The following BEST3 variants were observed in gnomAD, a reference collection of about 807,000 sequenced individuals.
BEST3 encodes bestrophin 3, also known as bestrophin-3.
In BEST3, 50 loss-of-function variants were observed where a neutral mutation model predicts 47.1. The ratio of observed to expected loss-of-function variants is 1.06; its 90% CI spans 0.85 to 1.34. The LOEUF (loss-of-function observed/expected upper bound fraction) is 1.34. BEST3 is among the 40% of genes most tolerant of loss of function. BEST3 has a pLI of 0.00. For missense variants in BEST3, 765 were observed against 817.0 expected (o/e 0.94, Z 0.78); for synonymous variants, 282 against 298.8 (o/e 0.94, Z 0.58).
In BEST3 at chr12:69,654,057, T is replaced by C. The variant is rs2135904171; in HGVS notation, c.*850A>G. 1 of 985,450 alleles carries C rather than the reference T, an allele frequency of 1.0e-6. No homozygotes were observed. Among genetic ancestry groups the C allele is most frequent in the East Asian group, 1.1e-4 (1 of 8,822 alleles). 61.0% of individuals were successfully genotyped at this position (985,450 alleles called of 1,614,324 possible). The stretch of plus-strand genomic sequence containing the variant: ...AGGGCACGGGGGGAACCATCACTCC[T>C]ATATGCCTTCCACTGGAAGTGAGAC... On this transcript the variant is annotated 3_prime_UTR_variant, in exon 10 of 10. Coordinates refer to ENST00000330891, the MANE Select transcript of BEST3 (RefSeq NM_032735.3).
intron 1 of BEST3, 56 bp from the exon 2 acceptor site, chr12:69,697,869 A>G (rs1284177844): frequency 6.4e-6 from 9 of 1,403,442 alleles, no homozygotes; most frequent in Non-Finnish European, 8.8e-6. Context: ...AATAGGGCAT[A>G]AATCTGTATG....
At chr12:69,682,672 G>A (rs902765657) in intron 4 of BEST3, among the ~76,000 whole-genome samples, 1 of 152,104 alleles carries the variant, frequency 6.6e-6, no homozygotes, top group Admixed American at 6.5e-5. Flanking sequence ...AACCTCCTGG[G>A]CTCAAGCAAT....
intron 4 of BEST3, among the ~76,000 whole-genome samples, chr12:69,691,947 C>G (rs1206485490): frequency 3.3e-5 from 5 of 152,332 alleles, no homozygotes. Context: ...CAGAAACTTA[C>G]TAGTGCCAAT....
intron 4 of BEST3, chr12:69,689,339 G>C (rs1456263139): frequency 5.8e-6 from 5 of 861,044 alleles, no homozygotes; most frequent in Non-Finnish European, 7.0e-6. Context: ...TGCCGGCCTG[G>C]GGCAGCCAGG....
chr12:69,663,676 C>T (rs1253324947), intron 9 of BEST3, among the ~76,000 whole-genome samples: 1 of 152,026 alleles, frequency 6.6e-6, no homozygotes, highest in Non-Finnish European at 1.5e-5. Context: ...AAAAAAAAAG[C>T]CAGGCATGGT....
At chr12:69,645,803 C>T (rs1883013557) in intron 9 of BEST3, among the ~76,000 whole-genome samples, 1 of 152,116 alleles carries the variant, frequency 6.6e-6, no homozygotes, top group African/African-American at 2.4e-5. Flanking sequence ...AGTTGTAACC[C>T]TCCCTTTCCT....
downstream of BEST3, among the ~76,000 whole-genome samples, chr12:69,650,119 A>G (rs1006650647): frequency 1.3e-5 from 2 of 152,376 alleles, no homozygotes; most frequent in African/African-American, 4.8e-5. Context: ...TCTATTTTAC[A>G]GGGAAATTGG....
chr12:69,683,183 G>A (rs1027850415), intron 4 of BEST3: 5 of 152,184 alleles, frequency 3.3e-5, no homozygotes, highest in Non-Finnish European at 7.3e-5. Context: ...TTTATTTGGT[G>A]CAAACACTAA....
At chr12:69,651,359 G>A (rs144744944), downstream of BEST3, among the ~76,000 whole-genome samples, 85 of 152,286 alleles carry the variant, frequency 5.6e-4, no homozygotes, top group African/African-American at 1.8e-3. Context: ...ACGCAGACTT[G>A]TTCAAATTTG....
chr12:69,668,856 A>G (rs914310745), intron 9 of BEST3, among the ~76,000 whole-genome samples: 1 of 152,202 alleles, frequency 6.6e-6, no homozygotes, highest in African/African-American at 2.4e-5. Flanking sequence ...AAGAGTTGGA[A>G]AAGAGATGTG....
chr12:69,643,533 G>A (rs1565814765), downstream of BEST3: 2 of 458,496 alleles, frequency 4.4e-6, no homozygotes, highest in Non-Finnish European at 7.9e-6. Context: ...AAATCTCCTG[G>A]GAAGGTACCA....
Position 69,671,554 on chromosome 12 carries a change from A to T in BEST3, c.974T>A (p.Met325Lys). Residue 325 changes from methionine to lysine, a missense_variant, in exon 9 of 10, where the codon ATG (methionine) becomes AAG (lysine). Met to Lys is a moderately conservative substitution (Grantham distance 95). Transcript: ENST00000330891. ...CTTCATCTTGGGTAAGCTCATGTGC[A>T]TTTCGTCCACAGCTAAAAGAGAGAC... ...LQVSLLAVDEMHMSLPKMKKD... is the reference protein window; with the variant it reads ...LQVSLLAVDEKHMSLPKMKKD... The T allele has an allele frequency of 1.2e-6, 2 of 1,613,878 alleles. No individual in the cohort carries two copies. The highest frequency in any genetic ancestry group is 1.3e-5 in the African/African-American group (1 of 75,034).
Position 69,655,144 on chromosome 12 carries a change from C to T in BEST3, c.1770G>A (p.Trp590Ter), listed in dbSNP as rs201963865. 1.3e-4 allele frequency: 217 copies of T among 1,614,000 alleles called. No homozygotes were observed. Among genetic ancestry groups the T allele is most frequent in the Admixed American group, 6.3e-4 (38 of 60,000 alleles). The change falls in exon 10 of 10, where the codon TGG becomes TGA. Residue 590 changes from tryptophan to a stop codon, truncating the protein, a stop_gained. Transcript: ENST00000330891. LOFTEE classifies it low-confidence loss of function (END_TRUNC). ...TGGACCCCAGGAATCCCGGAAGACT[C>T]CACCTTTTTAGAAAGGTATCACCAG... is the stretch of plus-strand genomic sequence containing the variant. ...EDPGDTFLKR[W>*]SLPGFLGSSH...
intron 4 of BEST3, among the ~76,000 whole-genome samples, chr12:69,691,335 T>C (rs1885915524): frequency 6.6e-6 from 1 of 152,238 alleles, no homozygotes; most frequent in African/African-American, 2.4e-5. Flanking sequence ...ATAAGGAAAC[T>C]GAGGAACAGA....
rs181479251 is a variant in BEST3 at position 69,694,360 on chromosome 12, C to A, written c.247+10G>T. 84 of 1,569,976 alleles carry A rather than the reference C, an allele frequency of 5.4e-5. No homozygotes were observed. Among genetic ancestry groups the A allele is most frequent in the Middle Eastern group, 1.7e-4 (1 of 5,976 alleles). Reference sequence around the variant, plus strand: ...TATGTGGCTGCAATCTGCGTGTGACCTATACTTACCAAGCACAAAGGTTAC... The same window carrying A: ...TATGTGGCTGCAATCTGCGTGTGACATATACTTACCAAGCACAAAGGTTAC... On this transcript the variant is annotated intron_variant, in intron 3 of 9. Transcript: ENST00000330891.
chr12:69,684,918 A>G (rs1479905840), intron 4 of BEST3, among the ~76,000 whole-genome samples: 2 of 152,226 alleles, frequency 1.3e-5, no homozygotes, highest in African/African-American at 4.8e-5. Flanking sequence ...ACCATAAACC[A>G]TAGTAAGATA....
At chr12:69,648,043 A>G (rs1368319576) in intron 9 of BEST3, among the ~76,000 whole-genome samples, 2 of 152,254 alleles carry the variant, frequency 1.3e-5, no homozygotes, top group Admixed American at 6.5e-5. Context: ...TCAATTAAAC[A>G]ACAATTAGGC....
chr12:69,671,085 A>G (rs533408516), intron 9 of BEST3, among the ~76,000 whole-genome samples: 4 of 152,324 alleles, frequency 2.6e-5, no homozygotes, highest in Non-Finnish European at 5.9e-5. Flanking sequence ...AAAAATGCCA[A>G]AAAAGGTAAA....
At chr12:69,690,494 C>G (rs1446014654) in intron 4 of BEST3, among the ~76,000 whole-genome samples, 1 of 152,182 alleles carries the variant, frequency 6.6e-6, no homozygotes, top group African/African-American at 2.4e-5. Context: ...TCATGTCTGA[C>G]CAGAGGCCCC....
Sources: gnomAD v4.1 joint callset for allele counts (sites outside exome capture counted in the v4.1 genomes callset) on GRCh38, gnomAD v4.1.1 for gene constraint, MANE v1.5 for transcripts, NCBI Gene and HGNC (gene_info 2026-07-23, HGNC 2026-07-21) for gene names.